SNAP29: variants seen among roughly 807,000 people sequenced by gnomAD.
SNAP29 encodes synaptosomal-associated protein 29.
A neutral mutation model predicts 27.9 loss-of-function variants in SNAP29; 13 were observed. That is an observed-to-expected ratio of 0.47 (90% confidence interval 0.30 to 0.74). The LOEUF is 0.74. Among genes scored for constraint, SNAP29 ranks in the 30% least tolerant of loss-of-function variants. The pLI is 0.06. For missense variants in SNAP29, 368 were observed against 336.5 expected (o/e 1.09, Z -0.73); for synonymous variants, 119 against 127.1 (o/e 0.94, Z 0.43).
chr22:20,867,988 T>C (rs1368434188), intron 1 of SNAP29, among the ~76,000 whole-genome samples: 1 of 152,144 alleles, frequency 6.6e-6, no homozygotes, highest in Non-Finnish European at 1.5e-5. Context: ...ACCTGGCTGC[T>C]CTGAGTGTCT....
intron 2 of SNAP29, among the ~76,000 whole-genome samples, chr22:20,873,817 A>G (rs984977591): frequency 3.3e-5 from 5 of 151,318 alleles, no homozygotes; most frequent in Non-Finnish European, 7.4e-5. Flanking sequence ...AAAATACAAA[A>G]ATCAGCCAGG....
At position 20,859,278 on chromosome 22, in the gene SNAP29, G is replaced by C. The variant is rs773960666; in HGVS notation, c.168G>C (p.Thr56=). The change falls in exon 1 of 5, where the codon ACG becomes ACC. Residue 56 remains threonine, a synonymous_variant. Transcript: ENST00000215730. Reference sequence around the variant, plus strand: ...AGGTCCTCCGCAGGGCTGAGGCCACGGCCGCCAGCACCAGCAGGTCCCTGG... The same window carrying C: ...AGGTCCTCCGCAGGGCTGAGGCCACCGCCGCCAGCACCAGCAGGTCCCTGG... ...RQEVLRRAEA[T]AASTSRSLAL... The C allele has an allele frequency of 6.2e-7, 1 of 1,609,968 alleles. No individual in the cohort carries two copies.
At chr22:20,878,021 C>G (rs1928789374) in intron 2 of SNAP29, among the ~76,000 whole-genome samples, 1 of 152,192 alleles carries the variant, frequency 6.6e-6, no homozygotes, top group South Asian at 2.1e-4. Flanking sequence ...CTTCCATTCA[C>G]CAGGCTCTGC....
chr22:20,890,041 T>C lies in SNAP29; in HGVS notation c.*2205T>C, dbSNP rs146027253. The stretch of plus-strand genomic sequence containing the variant: ...TCTGACATATTAGAGGGCCTCGTTT[T>C]GTCCTGTTCTTGTTCAGACCCTCTC... On this transcript the variant is annotated 3_prime_UTR_variant, in exon 5 of 5. Coordinates refer to ENST00000215730, the MANE Select transcript of SNAP29 (RefSeq NM_004782.4). 8 of 386,668 alleles carry C rather than the reference T, an allele frequency of 2.1e-5. No individual in the cohort carries two copies. Among genetic ancestry groups the C allele is most frequent in the African/African-American group, 1.6e-4 (8 of 48,528 alleles). The allele number at this position is 386,668 out of a possible 1,614,324, so 24.0% of individuals were successfully genotyped here.
chr22:20,875,507 C>T lies in SNAP29; in HGVS notation c.434+4974C>T, dbSNP rs1928718182. Among the ~76,000 whole-genome samples, 3 of 152,244 alleles carry T rather than the reference C, an allele frequency of 2.0e-5. No homozygotes were observed. The South Asian group carries it at 6.2e-4, about 32-fold the overall frequency. Reference sequence around the variant, plus strand: ...GGGACCCAGAGGAGAGGGAGGTTGGCCCTGGGAACAGAGGAAGGCTGCACA... The same window carrying T: ...GGGACCCAGAGGAGAGGGAGGTTGGTCCTGGGAACAGAGGAAGGCTGCACA... On this transcript the variant is annotated intron_variant, in intron 2 of 4. Transcript: ENST00000215730.
intron 2 of SNAP29, among the ~76,000 whole-genome samples, chr22:20,874,893 G>A (rs1449915367): frequency 6.6e-6 from 1 of 151,926 alleles, no homozygotes; most frequent in East Asian, 1.9e-4. Flanking sequence ...ATTTGTTTTG[G>A]TCTAAGACAT....
chr22:20,859,373 G>A, intron 1 of SNAP29, 26 bp downstream of exon 1: 1 of 1,475,814 alleles, frequency 6.8e-7, no homozygotes, highest in Non-Finnish European at 9.5e-7. Context: ...GGCTGGTGTG[G>A]ACTCGCCGGT....
intron 2 of SNAP29, 119 bp from the exon 3 acceptor site, chr22:20,880,930 T>C (rs1434201435): frequency 5.7e-6 from 4 of 704,164 alleles, no homozygotes; most frequent in Non-Finnish European, 7.6e-6. Flanking sequence ...CAGAAGGAGT[T>C]TGGCACAGAG....
intron 3 of SNAP29, among the ~76,000 whole-genome samples, chr22:20,881,387 G>A (rs899066472): frequency 1.7e-4 from 26 of 152,132 alleles, no homozygotes; most frequent in African/African-American, 6.3e-4. Context: ...AGGAAGTGAG[G>A]GCCTGCATTC....
intron 3 of SNAP29, 70 bp downstream of exon 3, chr22:20,881,204 C>T: frequency 8.9e-7 from 1 of 1,118,152 alleles, no homozygotes. Context: ...GGCGTTGGTC[C>T]TTGGGGGGCA....
rs892016031 is a variant in SNAP29 at position 20,888,425 on chromosome 22, G to A, written c.*589G>A. On this transcript the variant is annotated 3_prime_UTR_variant, in exon 5 of 5. Transcript: ENST00000215730. ...GATCAGTGTTAGAATGGGAAATAGAGTGTGCCATCTTGCTCTTTTGTTGGC... is the reference window on the plus strand; with the variant it reads ...GATCAGTGTTAGAATGGGAAATAGAATGTGCCATCTTGCTCTTTTGTTGGC... The A allele has an allele frequency of 2.3e-5, 4 of 170,658 alleles. No homozygotes were observed. Among genetic ancestry groups the A allele is most frequent in the Non-Finnish European group, 5.0e-5 (4 of 79,302 alleles). The allele number at this position is 170,658 out of a possible 1,614,324, so 10.6% of individuals were successfully genotyped here.
chr22:20,865,191 C>CA (rs1204482224), intron 1 of SNAP29, among the ~76,000 whole-genome samples: 10 of 151,986 alleles, frequency 6.6e-5, no homozygotes, highest in African/African-American at 2.4e-4. Flanking sequence ...CCTGGCTCTA[C>CA]AAAAAATACA....
At position 20,888,554 on chromosome 22, in the gene SNAP29, T is replaced by A. The variant is rs1228032723; in HGVS notation, c.*718T>A. On this transcript the variant is annotated 3_prime_UTR_variant, in exon 5 of 5. Transcript: ENST00000215730. ...GCGACTCCTGGAAATGTGTGGGGAA[T>A]TGGGTGAGCCCCTCTTCCCCACGTG... 6.5e-6 allele frequency: 1 copy of A among 153,790 alleles called. No homozygotes were observed. Among genetic ancestry groups the A allele is most frequent in the Admixed American group, 6.5e-5 (1 of 15,502 alleles). 9.5% of individuals were successfully genotyped at this position (153,790 alleles called of 1,614,324 possible).
intron 1 of SNAP29, among the ~76,000 whole-genome samples, chr22:20,860,275 T>C (rs1443695884): frequency 6.6e-6 from 1 of 151,272 alleles, no homozygotes; most frequent in Non-Finnish European, 1.5e-5. Context: ...GAGAATCGCT[T>C]GTACCCGGGA....
intron 2 of SNAP29, among the ~76,000 whole-genome samples, chr22:20,875,989 G>A (rs1009204737): frequency 1.2e-4 from 18 of 151,724 alleles, no homozygotes; most frequent in African/African-American, 2.4e-4. Flanking sequence ...GTGAAACCCC[G>A]TCTCTACTAA....
At chr22:20,862,981 A>G (rs1928362953) in intron 1 of SNAP29, among the ~76,000 whole-genome samples, 1 of 152,128 alleles carries the variant, frequency 6.6e-6, no homozygotes, top group African/African-American at 2.4e-5. Context: ...CTCTGCCTCC[A>G]GGTGCAAGTG....
At chr22:20,885,252 C>G (rs165868) in intron 4 of SNAP29, among the ~76,000 whole-genome samples, 75,407 of 151,980 alleles carry the variant, frequency 0.5, 19,234 homozygotes, top group African/African-American at 0.59. Flanking sequence ...CAGTCTCCCA[C>G]CCCCTGTTAG....
chr22:20,881,854 G>T (rs1928899797), intron 3 of SNAP29, among the ~76,000 whole-genome samples: 1 of 152,110 alleles, frequency 6.6e-6, no homozygotes, highest in Non-Finnish European at 1.5e-5. Context: ...CCCAGACCCC[G>T]TGAGTGTGTT....
intron 1 of SNAP29, chr22:20,859,550 C>T: frequency 3.4e-6 from 2 of 596,472 alleles, no homozygotes; most frequent in Non-Finnish European, 3.0e-6. Context: ...CAGTTTACCC[C>T]AGAAATCTTC....
Sources: allele counts gnomAD v4.1 joint callset (sites outside exome capture counted in the v4.1 genomes callset), GRCh38; gene constraint gnomAD v4.1.1; transcripts MANE v1.5; gene names NCBI Gene and HGNC (gene_info 2026-07-23, HGNC 2026-07-21).